The following PCDH9 variants were observed in gnomAD, a reference collection of about 807,000 sequenced individuals.
PCDH9 encodes protocadherin 9, also known as protocadherin-9.
In PCDH9, 24 loss-of-function variants were observed where a neutral mutation model predicts 70.6. The ratio of observed to expected loss-of-function variants is 0.34; its 90% CI spans 0.25 to 0.48. The LOEUF is 0.48. Among genes scored for constraint, PCDH9 ranks in the 20% least tolerant of loss-of-function variants. The pLI is 0.99. For synonymous variants in PCDH9, 562 were observed against 558.5 expected (o/e 1.01, Z -0.09); for missense variants, 1,281 against 1,503.6 (o/e 0.85, Z 2.45).
chr13:66,819,522 C>T (rs374153582), intron 3 of PCDH9, among the ~76,000 whole-genome samples: 1 of 151,960 alleles, frequency 6.6e-6, no homozygotes. Flanking sequence ...AATGAAAGGA[C>T]GACACTTCTC....
At chr13:66,648,314 G>C (rs1333349611) in intron 3 of PCDH9, among the ~76,000 whole-genome samples, 1 of 152,168 alleles carries the variant, frequency 6.6e-6, no homozygotes, top group African/African-American at 2.4e-5. Context: ...GTGGCCACAG[G>C]AGTGCTTGAG....
chr13:66,371,157 G>A (rs1956644098), intron 4 of PCDH9, among the ~76,000 whole-genome samples: 1 of 151,972 alleles, frequency 6.6e-6, no homozygotes, highest in African/African-American at 2.4e-5. Flanking sequence ...CACAAAGGTG[G>A]TAAAATTGTT....
chr13:66,400,922 A>G (rs1395615668), intron 4 of PCDH9, among the ~76,000 whole-genome samples: 5 of 152,196 alleles, frequency 3.3e-5, no homozygotes, highest in Non-Finnish European at 7.3e-5. Flanking sequence ...AGGGATTGAT[A>G]ATGTCATCTT....
intron 2 of PCDH9, among the ~76,000 whole-genome samples, chr13:67,092,873 G>A (rs1426527902): frequency 6.6e-6 from 1 of 152,012 alleles, no homozygotes; most frequent in Non-Finnish European, 1.5e-5. Flanking sequence ...AAGCATTTCC[G>A]AGGCCCAGCC....
intron 4 of PCDH9, among the ~76,000 whole-genome samples, chr13:66,380,692 C>G (rs926029387): frequency 6.6e-6 from 1 of 151,796 alleles, no homozygotes; most frequent in African/African-American, 2.4e-5. Flanking sequence ...TACAGGCGCC[C>G]GCCACCACGC....
chr13:66,307,899 T>C (rs952619484), intron 4 of PCDH9, among the ~76,000 whole-genome samples: 1 of 152,112 alleles, frequency 6.6e-6, no homozygotes, highest in Non-Finnish European at 1.5e-5. Flanking sequence ...TTAAGAAATA[T>C]AATTTATCCT....
At chr13:67,112,467 A>G (rs17082106) in intron 2 of PCDH9, among the ~76,000 whole-genome samples, 32,612 of 152,060 alleles carry the variant, frequency 0.21, 3,727 homozygotes, top group African/African-American at 0.27. Flanking sequence ...CACTCTCTGC[A>G]TCATAATCTT....
At chr13:66,872,420 T>G (rs934794220) in intron 3 of PCDH9, among the ~76,000 whole-genome samples, 5 of 152,048 alleles carry the variant, frequency 3.3e-5, no homozygotes, top group African/African-American at 1.2e-4. Flanking sequence ...GCTGTGCTCA[T>G]GTCTTCAGCA....
chr13:66,831,148 C>A (rs969100781), intron 3 of PCDH9, among the ~76,000 whole-genome samples: 6 of 152,138 alleles, frequency 3.9e-5, no homozygotes, highest in East Asian at 1.9e-4. Flanking sequence ...CAAATTAATT[C>A]TTGGGCAGTA....
chr13:66,746,123 T>C (rs2079358847), intron 3 of PCDH9, among the ~76,000 whole-genome samples: 1 of 152,202 alleles, frequency 6.6e-6, no homozygotes, highest in Non-Finnish European at 1.5e-5. Context: ...TATGTTGCCA[T>C]ATACTTTTCA....
chr13:67,214,370 G>C (rs1004948889), intron 2 of PCDH9: 1 of 152,152 alleles, frequency 6.6e-6, no homozygotes, highest in Non-Finnish European at 1.5e-5. Flanking sequence ...GGAATAATTG[G>C]AAGCAAGAAC....
intron 2 of PCDH9, among the ~76,000 whole-genome samples, chr13:67,167,235 T>C (rs2088143171): frequency 6.6e-6 from 1 of 152,150 alleles, no homozygotes. Context: ...TCAGGCTACA[T>C]AGGCTTTAAT....
rs758555913 is a variant in PCDH9, at chr13:66,745,128, G to A, written c.3139-113717C>T. 6.9e-4 allele frequency among the ~76,000 whole-genome samples: 105 copies of A among 152,134 alleles called. 1 individual carries two copies. Among genetic ancestry groups the A allele is most frequent in the Non-Finnish European group, 1.2e-3 (81 of 68,012 alleles). On this transcript the variant is annotated intron_variant, in intron 3 of 4. Coordinates refer to ENST00000377865, the MANE Select transcript of PCDH9 (RefSeq NM_203487.3). Reference sequence around the variant, plus strand: ...ACCCCACTCATAAGGATGTTTTGAAGACCAAGTTGATGAAGGGATCTTTGG... The same window carrying A: ...ACCCCACTCATAAGGATGTTTTGAAAACCAAGTTGATGAAGGGATCTTTGG...
chr13:67,136,085 A>G (rs1221223306), intron 2 of PCDH9, among the ~76,000 whole-genome samples: 1 of 152,156 alleles, frequency 6.6e-6, no homozygotes, highest in Non-Finnish European at 1.5e-5. Context: ...AGTGGTTGCT[A>G]TCTGACAATG....
At chr13:66,876,976 G>A (rs537982623) in intron 3 of PCDH9, 1 of 151,772 alleles carries the variant, frequency 6.6e-6, no homozygotes, top group Admixed American at 6.6e-5. Flanking sequence ...ATTTAACTGA[G>A]TAGATTAAAT....
intron 3 of PCDH9, among the ~76,000 whole-genome samples, chr13:66,821,240 C>T (rs567172595): frequency 3.3e-5 from 5 of 151,822 alleles, no homozygotes; most frequent in Admixed American, 6.6e-5. Context: ...TAAATAAGTA[C>T]GATTATGTTT....
intron 3 of PCDH9, among the ~76,000 whole-genome samples, chr13:66,657,331 A>G (rs1566486395): frequency 6.6e-6 from 1 of 152,126 alleles, no homozygotes; most frequent in East Asian, 1.9e-4. Context: ...GACTAATACA[A>G]ATAACAGGGA....
chr13:66,321,109 C>A (rs772749920), intron 4 of PCDH9, among the ~76,000 whole-genome samples: 1 of 151,964 alleles, frequency 6.6e-6, no homozygotes, highest in Non-Finnish European at 1.5e-5. Flanking sequence ...GCTTACTGGG[C>A]TCCTGAAGCA....
chr13:66,622,164 C>A (rs372462047), intron 4 of PCDH9, among the ~76,000 whole-genome samples: 1 of 152,250 alleles, frequency 6.6e-6, no homozygotes, highest in Non-Finnish European at 1.5e-5. Flanking sequence ...GATTTGTCAC[C>A]GGGCCTTGGC....
Sources: gnomAD v4.1 joint callset for allele counts (sites outside exome capture counted in the v4.1 genomes callset) on GRCh38, gnomAD v4.1.1 for gene constraint, MANE v1.5 for transcripts, NCBI Gene and HGNC (gene_info 2026-07-23, HGNC 2026-07-21) for gene names.